The following N4BP1 variants were observed in gnomAD, a reference collection of about 807,000 sequenced individuals.
N4BP1 encodes NEDD4 binding protein 1.
A neutral mutation model predicts 70.9 loss-of-function variants in N4BP1; 21 were observed. The ratio of observed to expected loss-of-function variants is 0.30; its 90% CI spans 0.21 to 0.43. N4BP1 has a LOEUF of 0.43. Among genes scored for constraint, N4BP1 ranks in the 20% least tolerant of loss-of-function variants. The probability of loss-of-function intolerance (pLI) is 1.00; values close to 1 mark genes in which losing one functional copy is unlikely to be tolerated. For synonymous variants in N4BP1, 387 were observed against 394.6 expected, an observed-to-expected ratio of 0.98 and a Z score of 0.23; for missense variants, 936 against 1,069.4, an observed-to-expected ratio of 0.88 and a Z score of 1.74.
At chr16:48,581,707 G>T (rs1964176425) in intron 1 of N4BP1, among the ~76,000 whole-genome samples, 1 of 152,008 alleles carries the variant, frequency 6.6e-6, no homozygotes, top group Non-Finnish European at 1.5e-5. Flanking sequence ...TGATATCCCA[G>T]GACAATCTCT....
intron 6 of N4BP1, among the ~76,000 whole-genome samples, chr16:48,544,587 C>A (rs1189496868): frequency 2.0e-5 from 3 of 152,184 alleles, no homozygotes; most frequent in African/African-American, 7.2e-5. Flanking sequence ...TAGTTAATGT[C>A]TGTTACCTAA....
At chr16:48,575,484 C>T (rs3859121) in intron 1 of N4BP1, among the ~76,000 whole-genome samples, 17,174 of 152,182 alleles carry the variant, frequency 0.11, 1,346 homozygotes, top group Admixed American at 0.24. Context: ...TCTATCATAA[C>T]ATTTCACAAA....
chr16:48,543,486 G>A (rs976362707), intron 6 of N4BP1, among the ~76,000 whole-genome samples: 2 of 152,138 alleles, frequency 1.3e-5, no homozygotes, highest in Non-Finnish European at 1.5e-5. Flanking sequence ...GAATCAATGC[G>A]CTCTATGAGG....
intron 1 of N4BP1, among the ~76,000 whole-genome samples, chr16:48,591,583 A>C (rs1964339163): frequency 1.3e-5 from 2 of 151,966 alleles, no homozygotes; most frequent in African/African-American, 4.8e-5. Context: ...GGTTAAAATC[A>C]ACTTAATTAA....
intron 2 of N4BP1, among the ~76,000 whole-genome samples, chr16:48,556,139 T>G (rs1963750229): frequency 6.6e-6 from 1 of 152,178 alleles, no homozygotes; most frequent in African/African-American, 2.4e-5. Flanking sequence ...CAAAGTGTTA[T>G]TCTCAGTAAT....
At chr16:48,544,921 T>G (rs555648335) in intron 6 of N4BP1, among the ~76,000 whole-genome samples, 1 of 152,156 alleles carries the variant, frequency 6.6e-6, no homozygotes, top group Non-Finnish European at 1.5e-5. Flanking sequence ...TGAACCTAAG[T>G]AGTATTCGCC....
At chr16:48,549,318 T>C (rs919646758) in intron 4 of N4BP1, among the ~76,000 whole-genome samples, 3 of 152,134 alleles carry the variant, frequency 2.0e-5, no homozygotes, top group African/African-American at 7.2e-5. Flanking sequence ...CTGGTGTGAG[T>C]TGTAAGTGGT....
chr16:48,597,378 T>C (rs1964429893), intron 1 of N4BP1, among the ~76,000 whole-genome samples: 3 of 152,130 alleles, frequency 2.0e-5, no homozygotes, highest in Admixed American at 1.3e-4. Context: ...AGAAAGATAG[T>C]TATAATTAAG....
intron 6 of N4BP1, among the ~76,000 whole-genome samples, chr16:48,545,446 C>T (rs1162903566): frequency 3.6e-4 from 54 of 151,012 alleles, no homozygotes; most frequent in African/African-American, 1.2e-3. Context: ...GGCATGGTGG[C>T]GTGCACCTGT....
Position 48,609,804 on chromosome 16 carries a change from C to G in N4BP1, c.169G>C (p.Gly57Arg), listed in dbSNP as rs1964651632. ...GCGCTGTGCACCGCCTCCTGCGCCCCGCAGAGCTGCAGCCAGATGCGCGCG... is the reference window on the plus strand; with the variant it reads ...GCGCTGTGCACCGCCTCCTGCGCCCGGCAGAGCTGCAGCCAGATGCGCGCG... The part of the protein sequence containing the change: ...LPARIWLQLC[G>R]AQEAVHSAKE... Residue 57 changes from glycine to arginine, a missense_variant, in exon 1 of 7, where the codon GGG becomes CGG. Around this residue, in one of 4 missense-constraint regions of N4BP1, gnomAD observed 187 missense variants for 217.1 expected, o/e 0.86. Coordinates refer to ENST00000262384, the MANE Select transcript of N4BP1 (RefSeq NM_153029.4). 1 of 1,470,222 alleles carries G rather than the reference C, an allele frequency of 6.8e-7. No individual in the cohort carries two copies. The highest frequency in any genetic ancestry group is 1.5e-5 in the African/African-American group (1 of 68,184). 91.1% of individuals were successfully genotyped at this position (1,470,222 alleles called of 1,614,324 possible).
At chr16:48,601,168 C>CT (rs1382771923) in intron 1 of N4BP1, among the ~76,000 whole-genome samples, 3 of 152,182 alleles carry the variant, frequency 2.0e-5, no homozygotes, top group Admixed American at 2.0e-4. Context: ...TTATGCTGGA[C>CT]TGTTTTGACC....
Position 48,609,858 on chromosome 16 carries a change from C to G in N4BP1, c.115G>C (p.Gly39Arg). Residue 39 changes from glycine (G) to arginine (R), a missense_variant, in exon 1 of 7, where the codon GGC becomes CGC. Physicochemically the swap from Gly to Arg is moderately radical, Grantham distance 125 (BLOSUM62 -2). Around this residue, in one of 4 missense-constraint regions of N4BP1, gnomAD observed 187 missense variants for 217.1 expected, o/e 0.86. Coordinates refer to ENST00000262384, the MANE Select transcript of N4BP1 (RefSeq NM_153029.4). ...GLFGVSLAVL[G>R]ALGAEEPLPA... ...AGCGGCTCCTCAGCCCCTAGCGCGC[C>G]GAGCACGGCTAGGCTCACGCCAAAC... The G allele has an allele frequency of 5.4e-6, 8 of 1,490,218 alleles. No individual in the cohort carries two copies. Among genetic ancestry groups the G allele is most frequent in the Non-Finnish European group, 7.1e-6 (8 of 1,124,494 alleles). 92.3% of individuals were successfully genotyped at this position (1,490,218 alleles called of 1,614,324 possible).
chr16:48,581,136 T>C (rs546179489), intron 1 of N4BP1, among the ~76,000 whole-genome samples: 28 of 150,860 alleles, frequency 1.9e-4, no homozygotes, highest in African/African-American at 6.6e-4. Context: ...CAAATACAAA[T>C]GCAAATGAAA....
intron 1 of N4BP1, chr16:48,577,794 G>T: frequency 6.3e-6 from 1 of 159,202 alleles, no homozygotes; most frequent in South Asian, 1.6e-4. Context: ...GGGCCGAGAT[G>T]ACACCAGTGC....
intron 6 of N4BP1, among the ~76,000 whole-genome samples, chr16:48,545,616 AG>A (rs1963579281): frequency 6.6e-6 from 1 of 151,970 alleles, no homozygotes; most frequent in Non-Finnish European, 1.5e-5. Flanking sequence ...CCACAAAAAA[AG>A]TTTGGCTCCT....
intron 1 of N4BP1, 38 bp downstream of exon 1, chr16:48,609,737 C>A (rs1964649087): frequency 2.3e-6 from 3 of 1,309,146 alleles, no homozygotes; most frequent in Admixed American, 4.1e-5. Flanking sequence ...CCGGACCGAT[C>A]GAGGCCGCGG....
intron 2 of N4BP1, among the ~76,000 whole-genome samples, chr16:48,560,045 T>G (rs894787975): frequency 2.6e-5 from 4 of 152,000 alleles, no homozygotes; most frequent in Admixed American, 1.3e-4. Context: ...TGGTCCACAG[T>G]GCAGGGAGGC....
intron 4 of N4BP1, among the ~76,000 whole-genome samples, chr16:48,549,368 G>A (rs1963633063): frequency 6.6e-6 from 1 of 152,162 alleles, no homozygotes; most frequent in Non-Finnish European, 1.5e-5. Context: ...AGGCAGTAAG[G>A]CTTCTGAGTT....
chr16:48,542,571 G>A lies in N4BP1; in HGVS notation c.*333C>T, dbSNP rs374923523. The A allele has an allele frequency of 5.2e-6, 1 of 190,738 alleles. No homozygotes were observed. The highest frequency in any genetic ancestry group is 1.9e-4 in the South Asian group (1 of 5,272). 11.8% of individuals were successfully genotyped at this position (190,738 alleles called of 1,614,324 possible). On this transcript the variant is annotated 3_prime_UTR_variant, in exon 7 of 7. Coordinates refer to ENST00000262384, the MANE Select transcript of N4BP1 (RefSeq NM_153029.4). ...TTATAAAGGCTAACCATATCCATTT[G>A]TCAATATTTTCGGCTTTAAGGAAAA...
Sources: allele counts gnomAD v4.1 joint callset (sites outside exome capture counted in the v4.1 genomes callset), GRCh38; gene constraint gnomAD v4.1.1; regional missense constraint gnomAD v4.1.1; transcripts MANE v1.5; gene names NCBI Gene and HGNC (gene_info 2026-07-23, HGNC 2026-07-21).